Variants in MAP3K1 observed in about 807,000 individuals in gnomAD.
The protein encoded by MAP3K1 is mitogen-activated protein kinase kinase kinase 1, also known as MAP/ERK kinase kinase 1.
Under a neutral mutation model 144.2 loss-of-function variants are expected in MAP3K1, and 36 were observed. That is an observed-to-expected ratio of 0.25 (90% CI 0.19 to 0.33). MAP3K1 has a LOEUF of 0.33. Ranked by LOEUF, MAP3K1 falls within the 10% of genes least tolerant of loss-of-function variation. The probability of loss-of-function intolerance (pLI) is 1.00; values close to 1 mark genes in which losing one functional copy is unlikely to be tolerated. For synonymous variants in MAP3K1, 718 were observed against 688.7 expected, an observed-to-expected ratio of 1.04 and a Z score of -0.67; for missense variants, 1,650 against 1,881.9, an observed-to-expected ratio of 0.88 and a Z score of 2.28.
intron 7 of MAP3K1, 45 bp downstream of exon 7, chr5:56,872,076 C>A (rs768218362): frequency 6.2e-7 from 1 of 1,612,058 alleles, no homozygotes; most frequent in South Asian, 1.1e-5. Flanking sequence ...CACAGTTGCT[C>A]TCTGAGCTAA....
chr5:56,831,188 T>G (rs1282546612), intron 1 of MAP3K1, among the ~76,000 whole-genome samples: 1 of 148,348 alleles, frequency 6.7e-6, no homozygotes, highest in African/African-American at 2.5e-5. Flanking sequence ...TGTTGGGTTT[T>G]TTTTTTTTTT....
chr5:56,859,065 T>TAAAAAA, intron 2 of MAP3K1, among the ~76,000 whole-genome samples: 1 of 125,582 alleles, frequency 8.0e-6, no homozygotes, highest in Non-Finnish European at 1.7e-5. Flanking sequence ...AAGCCTTAAT[T>TAAAAAA]AAAAAAAAAA....
In MAP3K1 at chr5:56,881,788, T is replaced by C. The variant is rs563304338; in HGVS notation, c.2588T>C (p.Val863Ala). Residue 863 changes from valine (V) to alanine (A), a missense_variant, in exon 14 of 20, where the codon GTG (valine) becomes GCG (alanine). Coordinates refer to ENST00000399503, the MANE Select transcript of MAP3K1 (RefSeq NM_005921.2). ...RRRLMAIADE[V>A]EIAEAIQLGV... ...CGTTTGATGGCTATTGCAGATGAGG[T>C]GGAAATTGCCGAAGCCATCCAGTTG... 651 of 1,613,972 alleles carry C rather than the reference T, an allele frequency of 4.0e-4. 5 individuals are homozygous for C. In the South Asian group the frequency reaches 6.8e-3, roughly 17 times the overall value.
intron 6 of MAP3K1, among the ~76,000 whole-genome samples, chr5:56,866,231 A>G (rs146554726): frequency 0.021 from 3,133 of 152,158 alleles, 56 homozygotes; most frequent in Non-Finnish European, 0.032. Flanking sequence ...TGGGCAACAT[A>G]GGGATACCCC....
chr5:56,819,509 C>G lies in MAP3K1; in HGVS notation c.482+3454C>G, dbSNP rs570958893. On this transcript the variant is annotated intron_variant, in intron 1 of 19. Transcript: ENST00000399503. Reference sequence around the variant, plus strand: ...AGTCCTTGACACTGGCTGTGTGCATCCCAAAGGAAGAAATGAGGGGGTGGC... The same window carrying G: ...AGTCCTTGACACTGGCTGTGTGCATGCCAAAGGAAGAAATGAGGGGGTGGC... Among the ~76,000 whole-genome samples the G allele has an allele frequency of 2.6e-4, 39 of 152,026 alleles. No homozygotes were observed. In the South Asian group the frequency reaches 2.9e-3, roughly 11 times the overall value.
Position 56,850,509 on chromosome 5 carries a change from A to G in MAP3K1, c.483-6091A>G, listed in dbSNP as rs903054175. ...AATTATTATAATTAATCAAATCGTC[A>G]CTGTTGTAAAAACTTACAAAACTTG... On this transcript the variant is annotated intron_variant, in intron 1 of 19. Coordinates refer to ENST00000399503, the MANE Select transcript of MAP3K1 (RefSeq NM_005921.2). Among the ~76,000 whole-genome samples, 11 of 152,336 alleles carry G rather than the reference A, an allele frequency of 7.2e-5. No individual in the cohort carries two copies. In the South Asian group the frequency reaches 2.1e-3, roughly 29 times the overall value.
At chr5:56,817,876 CTT>C (rs931804110) in intron 1 of MAP3K1, among the ~76,000 whole-genome samples, 4 of 152,098 alleles carry the variant, frequency 2.6e-5, no homozygotes, top group Admixed American at 2.0e-4. Flanking sequence ...AATGTTGTCT[CTT>C]GACACAAAAT....
intron 15 of MAP3K1, among the ~76,000 whole-genome samples, chr5:56,884,107 C>T (rs1748306294): frequency 6.6e-6 from 1 of 152,114 alleles, no homozygotes; most frequent in Non-Finnish European, 1.5e-5. Flanking sequence ...CGAGATCGCA[C>T]CACTGTACTC....
intron 6 of MAP3K1, among the ~76,000 whole-genome samples, chr5:56,867,576 A>AT (rs1747715041): frequency 6.6e-6 from 1 of 152,174 alleles, no homozygotes; most frequent in Non-Finnish European, 1.5e-5. Context: ...AGAAATGTTC[A>AT]TTTTTTAAAA....
intron 6 of MAP3K1, 123 bp from the exon 7 acceptor site, chr5:56,871,787 T>C (rs1579767288): frequency 1.2e-6 from 1 of 802,732 alleles, no homozygotes; most frequent in South Asian, 1.5e-5. Flanking sequence ...CTCTTAGTTA[T>C]ATAAGATGCT....
intron 3 of MAP3K1, among the ~76,000 whole-genome samples, chr5:56,862,971 T>C (rs571825706): frequency 6.6e-6 from 1 of 152,202 alleles, no homozygotes; most frequent in East Asian, 1.9e-4. Context: ...CTATTAGCAG[T>C]ATTAAAGCAA....
At chr5:56,833,867 G>T (rs1405221234) in intron 1 of MAP3K1, among the ~76,000 whole-genome samples, 1 of 151,986 alleles carries the variant, frequency 6.6e-6, no homozygotes, top group East Asian at 1.9e-4. Flanking sequence ...GTTACTGGTG[G>T]TTGTTCTTTA....
chr5:56,879,076 C>G lies in MAP3K1; in HGVS notation c.2062C>G (p.Leu688Val), dbSNP rs955261841. The G allele has an allele frequency of 6.2e-7, 1 of 1,613,838 alleles. No homozygotes were observed. Among genetic ancestry groups the G allele is most frequent in the South Asian group, 1.1e-5 (1 of 91,088 alleles). Residue 688 changes from leucine to valine, a missense_variant, in exon 11 of 20, where the codon CTA (leucine) becomes GTA (valine). This residue lies in a region of MAP3K1 where 841 missense variants were observed against 886.5 expected (regional missense o/e 0.95). Coordinates refer to ENST00000399503, the MANE Select transcript of MAP3K1 (RefSeq NM_005921.2). ...RLLQPVVDTI[L>V]VKCADANSRT... ...TCTCCAGCCAGTTGTAGACACCATC[C>G]TAGTCAAATGTGCAGATGCCAATAG...
Position 56,864,901 on chromosome 5 carries a change from A to G in MAP3K1, c.1002A>G (p.Pro334=), listed in dbSNP as rs1158829710. The change falls in exon 4 of 20, where the codon CCA becomes CCG. Residue 334 remains proline (P), a synonymous_variant. Transcript: ENST00000399503. ...PNSFLIGGDS[P]DNKYRVFIGP... is the part of the protein sequence containing the mutation. ...CTTTCCTGATTGGAGGAGACAGCCC[A>G]GACAATAAATACCGGGTGTTTATTG... is the stretch of plus-strand genomic sequence containing the variant. 5 of 1,614,124 alleles carry G rather than the reference A, an allele frequency of 3.1e-6. No homozygotes were observed. In the East Asian group the frequency reaches 6.7e-5, roughly 22 times the overall value.
intron 1 of MAP3K1, among the ~76,000 whole-genome samples, chr5:56,828,331 T>C (rs977940527): frequency 6.6e-6 from 1 of 152,170 alleles, no homozygotes; most frequent in Non-Finnish European, 1.5e-5. Flanking sequence ...TTCTCATCTG[T>C]GAAAAGAAAA....
At chr5:56,833,754 A>G (rs2077547378) in intron 1 of MAP3K1, among the ~76,000 whole-genome samples, 1 of 152,116 alleles carries the variant, frequency 6.6e-6, no homozygotes, top group South Asian at 2.1e-4. Context: ...AAAAGAATTA[A>G]TTATTCTTGG....
At chr5:56,854,279 CA>C (rs1747264685) in intron 1 of MAP3K1, among the ~76,000 whole-genome samples, 1 of 151,536 alleles carries the variant, frequency 6.6e-6, no homozygotes, top group Non-Finnish European at 1.5e-5. Flanking sequence ...ACTAAAAACA[CA>C]AAATTAGCCA....
At position 56,865,826 on chromosome 5, in the gene MAP3K1, T is replaced by C; in HGVS notation, c.1153-3T>C. ...CATTGTTACTGTCTTTTTCCAATGTTAGGTTGAGAGTTTGTTCCAGAAATA... is the reference window on the plus strand; with the variant it reads ...CATTGTTACTGTCTTTTTCCAATGTCAGGTTGAGAGTTTGTTCCAGAAATA... On this transcript the variant is annotated splice_region_variant and splice_polypyrimidine_tract_variant and intron_variant, in intron 5 of 19. Transcript: ENST00000399503. 6.2e-7 allele frequency: 1 copy of C among 1,614,032 alleles called. No homozygotes were observed.
chr5:56,872,534 T>C, intron 7 of MAP3K1, 107 bp from the exon 8 acceptor site: 1 of 717,074 alleles, frequency 1.4e-6, no homozygotes, highest in Non-Finnish European at 2.4e-6. Context: ...AATTAGATTA[T>C]TTTTGAGGTT....
Sources: gnomAD v4.1 joint callset for allele counts (sites outside exome capture counted in the v4.1 genomes callset) on GRCh38, gnomAD v4.1.1 for gene constraint, gnomAD v4.1.1 regional missense constraint, MANE v1.5 for transcripts, NCBI Gene and HGNC (gene_info 2026-07-23, HGNC 2026-07-21) for gene names.